The following DOCK1 variants were observed in gnomAD, a reference collection of about 807,000 sequenced individuals.
DOCK1 encodes the protein dedicator of cytokinesis 1, also known as dedicator of cytokinesis protein 1.
DOCK1 carries 138 observed loss-of-function variants against 262.7 expected under a neutral mutation model. The ratio of observed to expected loss-of-function variants is 0.53; its 90% CI spans 0.46 to 0.61. The LOEUF (loss-of-function observed/expected upper bound fraction) is 0.61, where lower values mean the gene tolerates loss of function less well. Ranked by LOEUF, DOCK1 falls within the 20% of genes least tolerant of loss-of-function variation. The pLI is 0.00. For synonymous variants in DOCK1, 866 were observed against 867.4 expected (o/e 1.00, Z 0.03); for missense variants, 1,908 against 2,370.7 (o/e 0.80, Z 4.05).
intron 27 of DOCK1, among the ~76,000 whole-genome samples, chr10:127,202,373 CT>C (rs1323315426): frequency 6.6e-6 from 1 of 151,844 alleles, no homozygotes; most frequent in African/African-American, 2.4e-5. Context: ...GGATTTCACA[CT>C]TGAGTTTCCA....
intron 23 of DOCK1, among the ~76,000 whole-genome samples, chr10:127,087,330 A>G (rs1042681783): frequency 1.3e-5 from 2 of 152,186 alleles, no homozygotes; most frequent in African/African-American, 4.8e-5. Flanking sequence ...TGTTTAGAGA[A>G]TCCAGTTAGA....
chr10:127,118,938 T>A (rs918938618), intron 25 of DOCK1, among the ~76,000 whole-genome samples: 2 of 152,234 alleles, frequency 1.3e-5, no homozygotes, highest in African/African-American at 4.8e-5. Context: ...GAATGATTCT[T>A]GAAAAATTTG....
intron 24 of DOCK1, among the ~76,000 whole-genome samples, chr10:127,109,805 A>T (rs1444066744): frequency 6.6e-6 from 1 of 152,006 alleles, no homozygotes; most frequent in Non-Finnish European, 1.5e-5. Context: ...CAGTATAATG[A>T]ACAATGCCAC....
At chr10:126,907,719 G>T (rs939684606) in intron 1 of DOCK1, among the ~76,000 whole-genome samples, 2 of 152,080 alleles carry the variant, frequency 1.3e-5, no homozygotes, top group Non-Finnish European at 2.9e-5. Flanking sequence ...GGGAGAACGG[G>T]GTCTCCTTGC....
chr10:127,297,470 AAG>A (rs1382381088), intron 29 of DOCK1, among the ~76,000 whole-genome samples: 1 of 151,888 alleles, frequency 6.6e-6, no homozygotes, highest in Non-Finnish European at 1.5e-5. Context: ...GGAGGGAGAA[AAG>A]AGAGGAGAGA....
In DOCK1 at chr10:127,446,930, G is replaced by A. The variant is rs1393218314; in HGVS notation, c.5414-464G>A. Among the ~76,000 whole-genome samples the A allele has an allele frequency of 6.6e-6, 1 of 152,174 alleles. No homozygotes were observed. The highest frequency in any genetic ancestry group is 1.5e-5 in the Non-Finnish European group (1 of 68,036). ...GAAAGAGATGGGAAGCTGGGTGGCTGGTCGGCGTGTTAGACTTTGCTTAGT... is the reference window on the plus strand; with the variant it reads ...GAAAGAGATGGGAAGCTGGGTGGCTAGTCGGCGTGTTAGACTTTGCTTAGT... On this transcript the variant is annotated intron_variant, in intron 50 of 51. Transcript: ENST00000623213. The surrounding 1 kb of genome is among the most constrained non-coding windows in gnomAD (Gnocchi z 4.4).
At chr10:126,970,255 C>G (rs1050466698) in intron 1 of DOCK1, among the ~76,000 whole-genome samples, 1 of 152,168 alleles carries the variant, frequency 6.6e-6, no homozygotes, top group African/African-American at 2.4e-5. Flanking sequence ...AGGATTTCTT[C>G]TAACACAGGA....
chr10:127,439,015 C>T lies in DOCK1; in HGVS notation c.5061-12C>T. 6.5e-7 allele frequency: 1 copy of T among 1,546,920 alleles called. No homozygotes were observed. The highest frequency in any genetic ancestry group is 1.2e-5 in the South Asian group (1 of 83,086). On this transcript the variant is annotated splice_polypyrimidine_tract_variant and intron_variant, in intron 48 of 51. Transcript: ENST00000623213. Reference sequence around the variant, plus strand: ...TGCTCTCCTATTAAGACGTCATTGACCTTTCCTTTAGGTTTGCCCTGGAGC... The same window carrying T: ...TGCTCTCCTATTAAGACGTCATTGATCTTTCCTTTAGGTTTGCCCTGGAGC...
intron 24 of DOCK1, among the ~76,000 whole-genome samples, chr10:127,107,821 G>C (rs2048622401): frequency 6.6e-6 from 1 of 152,224 alleles, no homozygotes; most frequent in Non-Finnish European, 1.5e-5. Flanking sequence ...AGCTGCAACT[G>C]GTGTGGGCTG....
At chr10:127,341,029 T>C (rs552777475) in intron 30 of DOCK1, among the ~76,000 whole-genome samples, 1 of 152,324 alleles carries the variant, frequency 6.6e-6, no homozygotes, top group Admixed American at 6.5e-5. Flanking sequence ...TGCCTTAATA[T>C]TATATACTTC....
chr10:127,089,416 T>C (rs1469339390), intron 23 of DOCK1, among the ~76,000 whole-genome samples: 1 of 152,124 alleles, frequency 6.6e-6, no homozygotes, highest in East Asian at 1.9e-4. Flanking sequence ...CCTTCTTTTT[T>C]TCCTTGGCTT....
intron 2 of DOCK1, among the ~76,000 whole-genome samples, chr10:126,971,251 C>A (rs574076768): frequency 9.1e-4 from 138 of 151,996 alleles, no homozygotes; most frequent in South Asian, 7.5e-3. Context: ...CTGCATTTCA[C>A]CCTGTTGGTC....
At chr10:127,023,683 C>G (rs1056745866) in intron 14 of DOCK1, among the ~76,000 whole-genome samples, 2 of 151,810 alleles carry the variant, frequency 1.3e-5, no homozygotes, top group Non-Finnish European at 2.9e-5. Context: ...AATAATCCGC[C>G]CGCCTTGGCC....
chr10:127,249,587 G>C (rs1339844261), intron 28 of DOCK1, among the ~76,000 whole-genome samples: 1 of 152,000 alleles, frequency 6.6e-6, no homozygotes, highest in African/African-American at 2.4e-5. Flanking sequence ...ACCTAGGCTA[G>C]ATGGTCTAGC....
rs150200925 is a variant in DOCK1, at chr10:127,070,503, C to T, written c.2445+8727C>T. Reference sequence around the variant, plus strand: ...TCCTGACCTTGTGATCTGCCCGCCTCGGCCTCCCAAAGTGCTGGGATTATA... The same window carrying T: ...TCCTGACCTTGTGATCTGCCCGCCTTGGCCTCCCAAAGTGCTGGGATTATA... On this transcript the variant is annotated intron_variant, in intron 23 of 51. Coordinates refer to ENST00000623213, the MANE Select transcript of DOCK1 (RefSeq NM_001290223.2). Among the ~76,000 whole-genome samples the T allele has an allele frequency of 1.4e-3, 216 of 152,088 alleles. 1 individual carries two copies. The highest frequency in any genetic ancestry group is 6.8e-3 in the Middle Eastern group (2 of 294).
chr10:127,200,499 A>G (rs2134225387), intron 27 of DOCK1, among the ~76,000 whole-genome samples: 1 of 152,080 alleles, frequency 6.6e-6, no homozygotes, highest in South Asian at 2.1e-4. Context: ...GTTTACTGCA[A>G]CCTCCATCTC....
At chr10:127,281,576 T>G (rs2060964255) in intron 29 of DOCK1, among the ~76,000 whole-genome samples, 2 of 152,206 alleles carry the variant, frequency 1.3e-5, no homozygotes. Context: ...TTGGTGTCTC[T>G]GAAGGAGCCT....
chr10:127,061,549 G>T, intron 22 of DOCK1, 119 bp from the exon 23 acceptor site: 1 of 813,592 alleles, frequency 1.2e-6, no homozygotes, highest in Non-Finnish European at 2.0e-6. Flanking sequence ...AGATGTTGAG[G>T]ATGTGGTCTC....
intron 31 of DOCK1, among the ~76,000 whole-genome samples, chr10:127,349,887 A>G (rs1327633498): frequency 6.6e-6 from 1 of 151,906 alleles, no homozygotes; most frequent in Non-Finnish European, 1.5e-5. Flanking sequence ...CCCTCTCCTT[A>G]TAAGGACAGA....
Sources: allele counts gnomAD v4.1 joint callset (sites outside exome capture counted in the v4.1 genomes callset), GRCh38; gene constraint gnomAD v4.1.1; non-coding constraint Gnocchi (gnomAD v3.1); transcripts MANE v1.5; gene names NCBI Gene and HGNC (gene_info 2026-07-23, HGNC 2026-07-21).